SLC25A36: variants seen among roughly 807,000 people sequenced by gnomAD.
SLC25A36 encodes the protein epididymis secretory sperm binding protein.
A neutral mutation model predicts 35.3 loss-of-function variants in SLC25A36; 24 were observed. The ratio of observed to expected loss-of-function variants is 0.68; its 90% confidence interval spans 0.49 to 0.96. SLC25A36 has a LOEUF of 0.96. Among genes scored for constraint, SLC25A36 ranks in the 40% least tolerant of loss-of-function variants. The probability of loss-of-function intolerance (pLI) is 0.00; values close to 1 mark genes in which losing one functional copy is unlikely to be tolerated. For missense variants in SLC25A36, 294 were observed against 381.1 expected, an observed-to-expected ratio of 0.77 and a Z score of 1.90; for synonymous variants, 141 against 132.2, an observed-to-expected ratio of 1.07 and a Z score of -0.46.
rs930757230 is a variant in SLC25A36, at chr3:140,978,924, A to G, written c.*2471A>G. ...AAAAACAAAAACACATATTCAGAGC[A>G]TTGGACTTTTTTAACTTGTTTTCAT... is the stretch of plus-strand genomic sequence containing the variant. On this transcript the variant is annotated 3_prime_UTR_variant, in exon 7 of 7. Transcript: ENST00000324194. 6.6e-6 allele frequency: 1 copy of G among 152,192 alleles called. No homozygotes were observed. The highest frequency in any genetic ancestry group is 1.5e-5 in the Non-Finnish European group (1 of 68,032). The allele number at this position is 152,192 out of a possible 1,614,324, so 9.4% of individuals were successfully genotyped here.
At chr3:140,975,930 C>T (rs1559818520) in intron 6 of SLC25A36, among the ~76,000 whole-genome samples, 1 of 152,150 alleles carries the variant, frequency 6.6e-6, no homozygotes, top group Non-Finnish European at 1.5e-5. Context: ...CTGGATGCCA[C>T]CTCTTTACTG....
chr3:140,948,080 A>G (rs931390516), intron 1 of SLC25A36, among the ~76,000 whole-genome samples: 1 of 152,138 alleles, frequency 6.6e-6, no homozygotes, highest in Admixed American at 6.6e-5. Flanking sequence ...CAGCCTCCCA[A>G]GTAGCTGGGA....
chr3:140,970,615 T>G (rs1934876384), intron 4 of SLC25A36: 3 of 169,768 alleles, frequency 1.8e-5, no homozygotes, highest in Middle Eastern at 2.4e-3. Context: ...TATGTGTTTG[T>G]AGAGATGGAT....
Position 140,959,546 on chromosome 3 carries a change from A to C in SLC25A36, c.284+6A>C. 7.1e-7 allele frequency: 1 copy of C among 1,409,854 alleles called. No homozygotes were observed. The highest frequency in any genetic ancestry group is 1.6e-5 in the South Asian group (1 of 62,442). 87.3% of individuals were successfully genotyped at this position (1,409,854 alleles called of 1,614,324 possible). ...GTGGGGGTAGCCCCTTCCAGGTAAA[A>C]AAAAAAAAAAATTGTTTAAAGCAAG... On this transcript the variant is annotated splice_donor_region_variant and intron_variant, in intron 3 of 6. Transcript: ENST00000324194.
rs1935106966 is a variant in SLC25A36, at chr3:140,978,445, T to C, written c.*1992T>C. The stretch of plus-strand genomic sequence containing the variant: ...TGTGAAGACCCATAAACATTCATTG[T>C]GTTGAATGTAAGATAGAGACTCTCC... On this transcript the variant is annotated 3_prime_UTR_variant, in exon 7 of 7. Transcript: ENST00000324194. 1 of 152,166 alleles carries C rather than the reference T, an allele frequency of 6.6e-6. No homozygotes were observed. The highest frequency in any genetic ancestry group is 2.4e-5 in the African/African-American group (1 of 41,440). 9.4% of individuals were successfully genotyped at this position (152,166 alleles called of 1,614,324 possible).
At chr3:140,944,381 G>A (rs1934108003) in intron 1 of SLC25A36, among the ~76,000 whole-genome samples, 1 of 152,122 alleles carries the variant, frequency 6.6e-6, no homozygotes. Context: ...GACACCCTTT[G>A]ATCCCATTAT....
At chr3:140,959,439 T>C in intron 2 of SLC25A36, 24 bp from the exon 3 acceptor site, 1 of 1,320,146 alleles carries the variant, frequency 7.6e-7, no homozygotes, top group Non-Finnish European at 1.0e-6. Context: ...ATATTTCTGA[T>C]AGAATTTTTT....
At chr3:140,972,160 A>G (rs945176031) in intron 5 of SLC25A36, among the ~76,000 whole-genome samples, 8 of 152,238 alleles carry the variant, frequency 5.3e-5, no homozygotes, top group Non-Finnish European at 1.0e-4. Context: ...AGTCCACATT[A>G]TTCTATTGTA....
chr3:140,975,553 G>A (rs1935021095), intron 6 of SLC25A36, among the ~76,000 whole-genome samples: 1 of 152,088 alleles, frequency 6.6e-6, no homozygotes, highest in Non-Finnish European at 1.5e-5. Context: ...AGGAATAGTG[G>A]ATGTAAAAAA....
rs1192214907 is a variant in SLC25A36 at position 140,980,366 on chromosome 3, C to T, written c.*3913C>T. Among the ~76,000 whole-genome samples the T allele has an allele frequency of 2.0e-5, 3 of 152,104 alleles. No homozygotes were observed. Among genetic ancestry groups the T allele is most frequent in the Non-Finnish European group, 4.4e-5 (3 of 68,014 alleles). ...AGTGCCTACCCTCTTTACATTTTGTCTATTTTATTTAAGTTTTTCTGTATT... is the reference window on the plus strand; with the variant it reads ...AGTGCCTACCCTCTTTACATTTTGTTTATTTTATTTAAGTTTTTCTGTATT... On this transcript the variant is annotated 3_prime_UTR_variant, in exon 7 of 7. Coordinates refer to ENST00000324194, the MANE Select transcript of SLC25A36 (RefSeq NM_001104647.3).
Position 140,959,499 on chromosome 3 carries a change from T to A in SLC25A36, c.243T>A (p.Phe81Leu). The change falls in exon 3 of 7, where the codon TTT (phenylalanine) becomes TTA (leucine). Residue 81 changes from phenylalanine to leucine, a missense_variant. Phe to Leu is a conservative substitution (Grantham distance 22, BLOSUM62 0). Transcript: ENST00000324194. ...ILEKEGPRSL[F>L]RGLGPNLVGV... ...AAAAAGAAGGGCCTCGTTCCTTGTT[T>A]AGAGGACTAGGCCCCAATTTAGTGG... 1 of 1,516,128 alleles carries A rather than the reference T, an allele frequency of 6.6e-7. No homozygotes were observed. The allele number at this position is 1,516,128 out of a possible 1,614,324, so 93.9% of individuals were successfully genotyped here. A position where few individuals can be genotyped will look rare whatever the true frequency, so the allele number is the denominator to read the frequency against.
In SLC25A36 at chr3:140,966,477, T is replaced by C. The variant is rs574313716; in HGVS notation, c.385+3250T>C. On this transcript the variant is annotated intron_variant, in intron 4 of 6. Transcript: ENST00000324194. ...TATTCTTTATTTTATTAAAAATTTA[T>C]ATAAATAGCTCCAAAATGAAGTTAC... 35 of 169,812 alleles carry C rather than the reference T, an allele frequency of 2.1e-4. No individual in the cohort carries two copies. In the South Asian group the frequency reaches 3.8e-3, roughly 18 times the overall value. 10.5% of individuals were successfully genotyped at this position (169,812 alleles called of 1,614,324 possible). A position where few individuals can be genotyped will look rare whatever the true frequency, so the allele number is the denominator to read the frequency against.
chr3:140,948,374 G>A (rs1484701881), intron 1 of SLC25A36, among the ~76,000 whole-genome samples: 5 of 151,132 alleles, frequency 3.3e-5, no homozygotes, highest in Non-Finnish European at 5.9e-5. Flanking sequence ...AGTAGAGATG[G>A]GATTTCACTG....
At position 140,941,922 on chromosome 3, in the gene SLC25A36, C is replaced by T; in HGVS notation, c.-133C>T. The T allele has an allele frequency of 3.5e-6, 2 of 576,250 alleles. No homozygotes were observed. Among genetic ancestry groups the T allele is most frequent in the Non-Finnish European group, 6.0e-6 (2 of 333,284 alleles). The allele number at this position is 576,250 out of a possible 1,614,324, so 35.7% of individuals were successfully genotyped here. ...GGGCTGTGCCGGTTGCTTTCTGCAG[C>T]CGCATCTCGGCCAGCTCTCCTCGCC... is the stretch of plus-strand genomic sequence containing the variant. On this transcript the variant is annotated 5_prime_UTR_variant, in exon 1 of 7. Transcript: ENST00000324194.
intron 1 of SLC25A36, among the ~76,000 whole-genome samples, chr3:140,943,363 CAA>C (rs1292013218): frequency 6.6e-6 from 1 of 152,220 alleles, no homozygotes; most frequent in Non-Finnish European, 1.5e-5. Flanking sequence ...CTTTCATCAA[CAA>C]ATATTTGTTG....
chr3:140,958,319 G>A (rs7643614), intron 2 of SLC25A36, among the ~76,000 whole-genome samples: 40,475 of 151,976 alleles, frequency 0.27, 8,926 homozygotes, highest in African/African-American at 0.61. Context: ...ACTTACTCCA[G>A]GAAAGTCTTC....
chr3:140,959,414 A>G (rs765034728), intron 2 of SLC25A36, 49 bp from the exon 3 acceptor site: 1 of 982,316 alleles, frequency 1.0e-6, no homozygotes, highest in Admixed American at 3.4e-5. Context: ...TAAATAAAGT[A>G]CCAGACTTTG....
chr3:140,950,540 T>C (rs1476136512), intron 1 of SLC25A36, among the ~76,000 whole-genome samples: 1 of 152,230 alleles, frequency 6.6e-6, no homozygotes, highest in Non-Finnish European at 1.5e-5. Flanking sequence ...GTTTACTTTC[T>C]TAATTTGTGG....
In SLC25A36 at chr3:140,976,947, A is replaced by G. The variant is rs1034111662; in HGVS notation, c.*494A>G. On this transcript the variant is annotated 3_prime_UTR_variant, in exon 7 of 7. Coordinates refer to ENST00000324194, the MANE Select transcript of SLC25A36 (RefSeq NM_001104647.3). ...CTGGCACAATATTTTAAATTTAATT[A>G]TTTGGCAGTAGTCACTGTTTTTGAC... The G allele has an allele frequency of 1.3e-5, 2 of 152,194 alleles. No homozygotes were observed. Among genetic ancestry groups the G allele is most frequent in the African/African-American group, 4.8e-5 (2 of 41,426 alleles). 9.4% of individuals were successfully genotyped at this position (152,194 alleles called of 1,614,324 possible). A position where few individuals can be genotyped will look rare whatever the true frequency, so the allele number is the denominator to read the frequency against.
Sources: gnomAD v4.1 joint callset for allele counts (sites outside exome capture counted in the v4.1 genomes callset) on GRCh38, gnomAD v4.1.1 for gene constraint, MANE v1.5 for transcripts, NCBI Gene and HGNC (gene_info 2026-07-23, HGNC 2026-07-21) for gene names.